Variants in DMGDH observed in about 807,000 individuals in gnomAD.
The protein encoded by DMGDH is dimethylglycine dehydrogenase, mitochondrial.
In DMGDH, 76 loss-of-function variants were observed where a neutral mutation model predicts 95.2. That is an observed-to-expected ratio of 0.80 (90% CI 0.66 to 0.97). The LOEUF (loss-of-function observed/expected upper bound fraction) is 0.97. DMGDH is among the 50% of genes least tolerant of loss of function. The pLI is 0.00. For missense variants in DMGDH, 987 were observed against 1,055.0 expected (o/e 0.94, Z 0.89); for synonymous variants, 345 against 377.6 (o/e 0.91, Z 1.00).
intron 5 of DMGDH, 54 bp downstream of exon 5, chr5:79,051,233 T>A: frequency 6.4e-7 from 1 of 1,552,756 alleles, no homozygotes; most frequent in Non-Finnish European, 8.9e-7. Flanking sequence ...CGGCTAAATA[T>A]CTTCTTTCTT....
intron 9 of DMGDH, among the ~76,000 whole-genome samples, chr5:79,031,542 C>T (rs1754179969): frequency 6.6e-6 from 1 of 152,196 alleles, no homozygotes. Context: ...GCAGGAGATG[C>T]CTATGCTGTT....
intron 7 of DMGDH, among the ~76,000 whole-genome samples, chr5:79,038,746 G>C (rs1466282503): frequency 6.6e-6 from 1 of 152,128 alleles, no homozygotes; most frequent in Non-Finnish European, 1.5e-5. Flanking sequence ...GCTTCAGGAT[G>C]GGGGCTGGTA....
At chr5:79,055,034 T>C (rs752736022) in intron 3 of DMGDH, among the ~76,000 whole-genome samples, 10 of 152,310 alleles carry the variant, frequency 6.6e-5, no homozygotes, top group Middle Eastern at 3.4e-3. Context: ...TCAAAGGTGG[T>C]GACCCCAGGG....
chr5:79,030,366 T>A (rs1006605797), intron 10 of DMGDH, among the ~76,000 whole-genome samples: 1 of 152,146 alleles, frequency 6.6e-6, no homozygotes, highest in Middle Eastern at 3.2e-3. Context: ...AAAATTAGCT[T>A]GTAGGCTGGG....
At chr5:79,020,266 G>T (rs368748113) in intron 14 of DMGDH, among the ~76,000 whole-genome samples, 1 of 152,092 alleles carries the variant, frequency 6.6e-6, no homozygotes, top group Non-Finnish European at 1.5e-5. Flanking sequence ...TTTAAACAGC[G>T]AAATATTATT....
chr5:79,055,385 G>A (rs548494738), intron 3 of DMGDH, among the ~76,000 whole-genome samples: 4 of 152,286 alleles, frequency 2.6e-5, no homozygotes, highest in African/African-American at 7.2e-5. Flanking sequence ...TTTATTTTGA[G>A]AGTTTGAGTA....
chr5:79,027,041 T>C (rs573736836), intron 12 of DMGDH, among the ~76,000 whole-genome samples: 3 of 152,212 alleles, frequency 2.0e-5, no homozygotes, highest in East Asian at 1.9e-4. Flanking sequence ...GTTATCCTCA[T>C]AGTGAGAAAG....
intron 7 of DMGDH, among the ~76,000 whole-genome samples, chr5:79,034,023 G>T (rs1347960037): frequency 6.6e-6 from 1 of 152,142 alleles, no homozygotes; most frequent in Non-Finnish European, 1.5e-5. Flanking sequence ...TAACTAATAA[G>T]AATTTTGCTT....
intron 5 of DMGDH, among the ~76,000 whole-genome samples, chr5:79,046,646 C>T (rs1367586449): frequency 1.3e-5 from 2 of 152,140 alleles, no homozygotes; most frequent in African/African-American, 4.8e-5. Flanking sequence ...CTCAGCCTCC[C>T]CAAGTACAGG....
At chr5:79,055,249 G>T (rs1306877753) in intron 3 of DMGDH, among the ~76,000 whole-genome samples, 8 of 152,252 alleles carry the variant, frequency 5.3e-5, no homozygotes, top group Non-Finnish European at 1.2e-4. Flanking sequence ...ATGTTCCTAA[G>T]GCCATGCTAA....
At chr5:79,046,235 C>T (rs1285421291) in intron 5 of DMGDH, among the ~76,000 whole-genome samples, 3 of 151,690 alleles carry the variant, frequency 2.0e-5, no homozygotes, top group African/African-American at 4.9e-5. Context: ...TACAGGTATC[C>T]GCCGCCATGC....
chr5:79,027,840 CTT>C (rs771037679), intron 12 of DMGDH, among the ~76,000 whole-genome samples: 9 of 109,432 alleles, frequency 8.2e-5, no homozygotes, highest in Non-Finnish European at 1.1e-4. Context: ...CCCCACTTTT[CTT>C]TTTTTTTTTT....
intron 3 of DMGDH, among the ~76,000 whole-genome samples, chr5:79,054,862 T>G (rs1348412484): frequency 6.6e-6 from 1 of 152,210 alleles, no homozygotes; most frequent in Admixed American, 6.5e-5. Context: ...ATATAGCCCT[T>G]GCCCTCAAGT....
intron 9 of DMGDH, among the ~76,000 whole-genome samples, chr5:79,031,292 G>A (rs926638331): frequency 6.6e-6 from 1 of 152,226 alleles, no homozygotes; most frequent in African/African-American, 2.4e-5. Context: ...CTGGAAGAGA[G>A]TTTATAAGTC....
intron 10 of DMGDH, 24 bp downstream of exon 10, chr5:79,030,809 T>C: frequency 6.2e-7 from 1 of 1,613,312 alleles, no homozygotes; most frequent in Non-Finnish European, 8.5e-7. Context: ...ATCCTGGACC[T>C]TGTATCCCTA....
intron 1 of DMGDH, among the ~76,000 whole-genome samples, chr5:79,064,019 T>C (rs1357423396): frequency 1.3e-5 from 2 of 152,162 alleles, no homozygotes; most frequent in Non-Finnish European, 2.9e-5. Flanking sequence ...GTAGCTACTA[T>C]AGCCAAAGAA....
chr5:79,064,409 T>A (rs1367165491), intron 1 of DMGDH, among the ~76,000 whole-genome samples: 2 of 151,922 alleles, frequency 1.3e-5, no homozygotes, highest in Non-Finnish European at 2.9e-5. Flanking sequence ...TACTTTACCA[T>A]GAATCAAGCT....
chr5:79,020,093 T>C (rs1198910658), intron 14 of DMGDH, among the ~76,000 whole-genome samples: 2 of 152,162 alleles, frequency 1.3e-5, no homozygotes, highest in Non-Finnish European at 2.9e-5. Context: ...AGGTAATTTT[T>C]AGTTCTTCAG....
At chr5:79,000,809 G>A in intron 15 of DMGDH, 1 of 632,836 alleles carries the variant, frequency 1.6e-6, no homozygotes, top group Non-Finnish European at 2.9e-6. Context: ...ACACAAAGCA[G>A]GTACTCTCAC....
Sources: allele counts gnomAD v4.1 joint callset (sites outside exome capture counted in the v4.1 genomes callset), GRCh38; gene constraint gnomAD v4.1.1; transcripts MANE v1.5; gene names NCBI Gene and HGNC (gene_info 2026-07-23, HGNC 2026-07-21).